Variants in DLG2 observed in about 807,000 individuals in gnomAD.
DLG2 encodes the protein discs large MAGUK scaffold protein 2, also known as disks large homolog 2.
Under a neutral mutation model 132.5 loss-of-function variants are expected in DLG2, and 45 were observed. The ratio of observed to expected loss-of-function variants is 0.34; its 90% CI spans 0.27 to 0.44. The LOEUF (loss-of-function observed/expected upper bound fraction) is 0.44, where lower values mean the gene tolerates loss of function less well. Ranked by LOEUF, DLG2 falls within the 20% of genes least tolerant of loss-of-function variation. The pLI is 1.00. For synonymous variants in DLG2, 424 were observed against 419.6 expected (o/e 1.01, Z -0.13); for missense variants, 1,045 against 1,196.9 (o/e 0.87, Z 1.87).
intron 6 of DLG2, among the ~76,000 whole-genome samples, chr11:85,020,299 C>T (rs1314554050): frequency 6.6e-6 from 1 of 152,138 alleles, no homozygotes; most frequent in Non-Finnish European, 1.5e-5. Context: ...CCTTTGCCCA[C>T]TTTTTGATGG....
intron 6 of DLG2, among the ~76,000 whole-genome samples, chr11:84,783,481 A>G (rs1026270791): frequency 3.9e-5 from 6 of 152,148 alleles, no homozygotes; most frequent in Non-Finnish European, 8.8e-5. Flanking sequence ...CCAAGGTTCA[A>G]CTTATGTACT....
intron 7 of DLG2, among the ~76,000 whole-genome samples, chr11:84,517,772 G>T (rs1039039172): frequency 1.3e-5 from 2 of 151,958 alleles, no homozygotes; most frequent in Non-Finnish European, 2.9e-5. Flanking sequence ...TGGATGAACG[G>T]ATAAAGAAAA....
intron 4 of DLG2, among the ~76,000 whole-genome samples, chr11:85,175,291 C>T (rs1202754809): frequency 6.6e-6 from 1 of 152,118 alleles, no homozygotes; most frequent in African/African-American, 2.4e-5. Context: ...TGGCTTCATC[C>T]CTAGGATGCA....
Position 84,644,222 on chromosome 11 carries a change from C to T in DLG2, c.358-109491G>A, listed in dbSNP as rs542754865. Reference sequence around the variant, plus strand: ...ATTCTAAGCCTATCCCACTGCTTCACATGGAATGATCCTCAACCCAATTCA... The same window carrying T: ...ATTCTAAGCCTATCCCACTGCTTCATATGGAATGATCCTCAACCCAATTCA... On this transcript the variant is annotated intron_variant, in intron 6 of 27. Transcript: ENST00000376104. 2.0e-5 allele frequency among the ~76,000 whole-genome samples: 3 copies of T among 152,280 alleles called. No homozygotes were observed. In the East Asian group the frequency reaches 5.8e-4, roughly 29 times the overall value.
chr11:84,634,471 C>T (rs1424419024), intron 6 of DLG2, among the ~76,000 whole-genome samples: 1 of 152,212 alleles, frequency 6.6e-6, no homozygotes, highest in Non-Finnish European at 1.5e-5. Context: ...CAGCCAGTCA[C>T]AGGCGGACAA....
chr11:84,585,215 CTA>C, intron 6 of DLG2, among the ~76,000 whole-genome samples: 1 of 152,050 alleles, frequency 6.6e-6, no homozygotes. Flanking sequence ...TGTCCCAGCA[CTA>C]TTTAATTAAC....
intron 14 of DLG2, among the ~76,000 whole-genome samples, chr11:83,932,272 T>G (rs1246516107): frequency 6.6e-6 from 1 of 151,930 alleles, no homozygotes; most frequent in Non-Finnish European, 1.5e-5. Context: ...TCTCACTCTG[T>G]CACCCAGGCT....
At chr11:84,819,128 C>A (rs1299061712) in intron 6 of DLG2, among the ~76,000 whole-genome samples, 1 of 133,868 alleles carries the variant, frequency 7.5e-6, no homozygotes, top group Non-Finnish European at 1.7e-5. Flanking sequence ...ATGCTTACAA[C>A]AATCTAGTAA....
Position 83,462,229 on chromosome 11 carries a change from C to T in DLG2, c.2730-136G>A, listed in dbSNP as rs950009889. On this transcript the variant is annotated intron_variant, in intron 26 of 27. Coordinates refer to ENST00000376104, the MANE Select transcript of DLG2 (RefSeq NM_001142699.3). ...ACAGGTTTTTAGTCTTCATTCAGGA[C>T]TCCTCTGTGCTGGAATAATTTCAGC... is the stretch of plus-strand genomic sequence containing the variant. 6.6e-6 allele frequency: 4 copies of T among 602,360 alleles called. No individual in the cohort carries two copies. The Admixed American group carries it at 1.1e-4, about 17-fold the overall frequency. The allele number at this position is 602,360 out of a possible 1,614,324, so 37.3% of individuals were successfully genotyped here. A position where few individuals can be genotyped will look rare whatever the true frequency, so the allele number is the denominator to read the frequency against.
intron 6 of DLG2, among the ~76,000 whole-genome samples, chr11:84,967,663 T>C (rs533867573): frequency 1.4e-4 from 22 of 152,240 alleles, no homozygotes; most frequent in Non-Finnish European, 2.6e-4. Flanking sequence ...GAACATGATA[T>C]ACCTGCAGAT....
chr11:85,148,522 CAT>C (rs2077009015), intron 5 of DLG2, among the ~76,000 whole-genome samples: 1 of 152,142 alleles, frequency 6.6e-6, no homozygotes, highest in Admixed American at 6.5e-5. Flanking sequence ...AGCTTTAATT[CAT>C]ATGTTTGTTG....
intron 3 of DLG2, among the ~76,000 whole-genome samples, chr11:85,517,625 T>G (rs1001647536): frequency 7.2e-5 from 11 of 151,864 alleles, no homozygotes; most frequent in African/African-American, 2.2e-4. Flanking sequence ...TTTTTTTTTT[T>G]AAGAGACAGG....
At chr11:83,854,859 A>AT (rs1705631150) in intron 16 of DLG2, among the ~76,000 whole-genome samples, 1 of 151,102 alleles carries the variant, frequency 6.6e-6, no homozygotes, top group African/African-American at 2.4e-5. Context: ...GACAACGTCA[A>AT]GAGAATGAAA....
chr11:85,600,392 A>G (rs1190349324), intron 2 of DLG2, among the ~76,000 whole-genome samples: 1 of 152,314 alleles, frequency 6.6e-6, no homozygotes, highest in Non-Finnish European at 1.5e-5. Flanking sequence ...CACTTTTTTC[A>G]CTAGGCTTCC....
intron 2 of DLG2, among the ~76,000 whole-genome samples, chr11:85,608,600 C>T (rs1344251349): frequency 6.6e-6 from 1 of 152,126 alleles, no homozygotes; most frequent in Non-Finnish European, 1.5e-5. Flanking sequence ...GATAAGCCTC[C>T]TCTAATCTCC....
At chr11:84,125,908 G>A (rs1301062970) in intron 9 of DLG2, among the ~76,000 whole-genome samples, 1 of 152,152 alleles carries the variant, frequency 6.6e-6, no homozygotes, top group Non-Finnish European at 1.5e-5. Flanking sequence ...GAATTTATCT[G>A]AAAAAGACTG....
At chr11:83,632,735 C>T (rs2063784977) in intron 19 of DLG2, 1 of 152,588 alleles carries the variant, frequency 6.6e-6, no homozygotes, top group Non-Finnish European at 1.5e-5. Context: ...AGTCTTTCTG[C>T]CAAAACTTGT....
intron 4 of DLG2, among the ~76,000 whole-genome samples, chr11:85,259,276 CCTGCTTCATCATTTGAAGATGCAT>C (rs1171113593): frequency 6.6e-6 from 1 of 152,166 alleles, no homozygotes; most frequent in Admixed American, 6.5e-5. Flanking sequence ...TCTCCTCTCT[CCTGCTTCATCATTTGAAGATGCAT>C]CTGCTTCCCC....
intron 17 of DLG2, among the ~76,000 whole-genome samples, chr11:83,821,896 A>G (rs2050916311): frequency 6.6e-6 from 1 of 152,132 alleles, no homozygotes; most frequent in Non-Finnish European, 1.5e-5. Flanking sequence ...TCAAGTTCCC[A>G]TTCTATTGCA....
Sources: allele counts gnomAD v4.1 joint callset (sites outside exome capture counted in the v4.1 genomes callset), GRCh38; gene constraint gnomAD v4.1.1; transcripts MANE v1.5; gene names NCBI Gene and HGNC (gene_info 2026-07-23, HGNC 2026-07-21).